Variants in CD86 observed in about 807,000 individuals in gnomAD.
CD86 encodes the protein CD86 molecule.
CD86 carries 11 observed loss-of-function variants against 32.1 expected under a neutral mutation model. The observed-to-expected ratio is 0.34, with a 90% confidence interval of 0.22 to 0.57. The LOEUF (loss-of-function observed/expected upper bound fraction) is 0.57. Ranked by LOEUF, CD86 falls within the 20% of genes least tolerant of loss-of-function variation. CD86 has a pLI of 0.86. For synonymous variants in CD86, 137 were observed against 135.3 expected, an observed-to-expected ratio of 1.01 and a Z score of -0.09; for missense variants, 359 against 398.4, an observed-to-expected ratio of 0.90 and a Z score of 0.84.
At chr3:122,078,176 TAAAACCTCTGACCA>T (rs2072581156) in intron 1 of CD86, 1 of 410,856 alleles carries the variant, frequency 2.4e-6, no homozygotes, top group Non-Finnish European at 3.3e-6. Flanking sequence ...AGAGCATGCT[TAAAACCTCTGACCA>T]TCAGGTTTGC....
At position 122,084,651 on chromosome 3, in the gene CD86, A is replaced by G. The variant is rs571964551; in HGVS notation, c.15-6950A>G. On this transcript the variant is annotated intron_variant, in intron 1 of 6. Transcript: ENST00000330540. ...CAGCTATACAGTCCTCTCCAGCATG[A>G]TGGTCTCGGGGTAGTGGGACATCTT... Among the ~76,000 whole-genome samples the G allele has an allele frequency of 7.2e-5, 11 of 152,254 alleles. No homozygotes were observed. In the East Asian group the frequency reaches 1.5e-3, roughly 21 times the overall value.
At chr3:122,077,215 G>A (rs535753266) in intron 1 of CD86, among the ~76,000 whole-genome samples, 1 of 152,288 alleles carries the variant, frequency 6.6e-6, no homozygotes, top group South Asian at 2.1e-4. Flanking sequence ...CCTGGGGGAG[G>A]ATCACATACG....
intron 1 of CD86, among the ~76,000 whole-genome samples, chr3:122,076,359 A>T (rs2072555555): frequency 6.6e-6 from 1 of 152,254 alleles, no homozygotes; most frequent in African/African-American, 2.4e-5. Context: ...CATGAAAATT[A>T]AGTGAAATAT....
intron 1 of CD86, among the ~76,000 whole-genome samples, chr3:122,085,167 A>G (rs2072696607): frequency 1.3e-5 from 2 of 152,244 alleles, no homozygotes; most frequent in African/African-American, 4.8e-5. Flanking sequence ...CCAATAGCAA[A>G]TGAATGAATG....
Position 122,055,403 on chromosome 3 carries a change from T to C in CD86, c.-87T>C, listed in dbSNP as rs538365270. On this transcript the variant is annotated 5_prime_UTR_variant, in exon 1 of 7. Transcript: ENST00000330540. ...GGCTTGCACAGGGTGAAAGCTTTGCTTCTCTGCTGCTGTAACAGGGACTAG... is the reference window on the plus strand; with the variant it reads ...GGCTTGCACAGGGTGAAAGCTTTGCCTCTCTGCTGCTGTAACAGGGACTAG... 3.7e-6 allele frequency: 5 copies of C among 1,349,598 alleles called. No homozygotes were observed. The highest frequency in any genetic ancestry group is 5.3e-6 in the Non-Finnish European group (5 of 939,990). 83.6% of individuals were successfully genotyped at this position (1,349,598 alleles called of 1,614,324 possible). A position where few individuals can be genotyped will look rare whatever the true frequency, so the allele number is the denominator to read the frequency against.
intron 1 of CD86, among the ~76,000 whole-genome samples, chr3:122,060,680 T>C (rs2072320361): frequency 6.6e-6 from 1 of 152,158 alleles, no homozygotes; most frequent in South Asian, 2.1e-4. Context: ...AATCCAATAC[T>C]TTATTTTTCC....
At chr3:122,068,036 A>C (rs904491535) in intron 1 of CD86, among the ~76,000 whole-genome samples, 1 of 152,186 alleles carries the variant, frequency 6.6e-6, no homozygotes, top group African/African-American at 2.4e-5. Flanking sequence ...CAAAGTTGCC[A>C]CAGGGAAGTA....
chr3:122,112,527 G>A (rs954357430), intron 5 of CD86, among the ~76,000 whole-genome samples: 4 of 152,046 alleles, frequency 2.6e-5, no homozygotes, highest in Non-Finnish European at 5.9e-5. Context: ...ATGTTGGCCA[G>A]GATGGTCTCG....
intron 1 of CD86, among the ~76,000 whole-genome samples, chr3:122,085,838 C>G (rs2072708150): frequency 6.6e-6 from 1 of 152,200 alleles, no homozygotes; most frequent in African/African-American, 2.4e-5. Flanking sequence ...GCTCTACTCT[C>G]CTCTCAGCGA....
intron 3 of CD86, among the ~76,000 whole-genome samples, chr3:122,105,745 G>T (rs1284002494): frequency 6.6e-6 from 1 of 151,984 alleles, no homozygotes; most frequent in Non-Finnish European, 1.5e-5. Context: ...AAGATATGAC[G>T]CAGGGCATCT....
intron 1 of CD86, among the ~76,000 whole-genome samples, chr3:122,079,935 C>CA (rs887914104): frequency 3.8e-4 from 58 of 151,710 alleles, no homozygotes; most frequent in Admixed American, 7.9e-4. Context: ...TAAAAACAAA[C>CA]AAAAAAAACC....
At chr3:122,085,529 A>G (rs2072702818) in intron 1 of CD86, among the ~76,000 whole-genome samples, 2 of 152,192 alleles carry the variant, frequency 1.3e-5, no homozygotes, top group South Asian at 2.1e-4. Context: ...TCAGGTGCAC[A>G]CTACTGTGTA....
At chr3:122,103,944 G>A (rs1559910907) in intron 3 of CD86, 97 bp downstream of exon 3, 1 of 938,628 alleles carries the variant, frequency 1.1e-6, no homozygotes, top group Non-Finnish European at 1.6e-6. Context: ...AGGGGCCCAG[G>A]GGAAAAGGGG....
chr3:122,111,959 A>G (rs1049780141), intron 5 of CD86, among the ~76,000 whole-genome samples: 1 of 152,198 alleles, frequency 6.6e-6, no homozygotes, highest in Non-Finnish European at 1.5e-5. Flanking sequence ...TGTTTAAATG[A>G]ATAAAAAGGA....
chr3:122,062,042 A>ACTT (rs943451442), intron 1 of CD86, among the ~76,000 whole-genome samples: 3 of 152,086 alleles, frequency 2.0e-5, no homozygotes, highest in Non-Finnish European at 4.4e-5. Flanking sequence ...CATTTTTTCA[A>ACTT]CTTCTTTTGA....
intron 1 of CD86, among the ~76,000 whole-genome samples, chr3:122,062,972 C>T (rs2072359678): frequency 6.6e-6 from 1 of 152,032 alleles, no homozygotes; most frequent in Non-Finnish European, 1.5e-5. Context: ...AGTAGACCTC[C>T]TAACTATAGA....
At chr3:122,056,034 G>A (rs1193126172) in intron 1 of CD86, among the ~76,000 whole-genome samples, 1 of 152,172 alleles carries the variant, frequency 6.6e-6, no homozygotes, top group Non-Finnish European at 1.5e-5. Context: ...GATTAAATTA[G>A]TTACCATGTA....
rs1389417957 is a variant in CD86 at position 122,119,957 on chromosome 3, G to A, written c.*423G>A. ...GCCCCACTGAATTTTGTGTGTACCTGTGACTAAACAACTACCTCCTCAGTC... is the reference window on the plus strand; with the variant it reads ...GCCCCACTGAATTTTGTGTGTACCTATGACTAAACAACTACCTCCTCAGTC... On this transcript the variant is annotated 3_prime_UTR_variant, in exon 7 of 7. Transcript: ENST00000330540. The A allele has an allele frequency of 1.7e-5, 3 of 172,442 alleles. No homozygotes were observed. Among genetic ancestry groups the A allele is most frequent in the Admixed American group, 6.1e-5 (1 of 16,426 alleles). The allele number at this position is 172,442 out of a possible 1,614,324, so 10.7% of individuals were successfully genotyped here.
chr3:122,061,392 C>T (rs2072332846), intron 1 of CD86, among the ~76,000 whole-genome samples: 2 of 152,000 alleles, frequency 1.3e-5, no homozygotes, highest in South Asian at 2.1e-4. Context: ...ACAATTAATG[C>T]AGTTAATAAT....
Sources: gnomAD v4.1 joint callset for allele counts (sites outside exome capture counted in the v4.1 genomes callset) on GRCh38, gnomAD v4.1.1 for gene constraint, MANE v1.5 for transcripts, NCBI Gene and HGNC (gene_info 2026-07-23, HGNC 2026-07-21) for gene names.